Variants in SEC23IP observed in about 807,000 individuals in gnomAD.
SEC23IP encodes SEC23-interacting protein.
In SEC23IP, 70 loss-of-function variants were observed where a neutral mutation model predicts 113.4. The ratio of observed to expected loss-of-function variants is 0.62; its 90% CI spans 0.51 to 0.75. The LOEUF (loss-of-function observed/expected upper bound fraction) is 0.75. Ranked by LOEUF, SEC23IP falls within the 30% of genes least tolerant of loss-of-function variation. The pLI, the probability that SEC23IP is intolerant of heterozygous loss-of-function variation, is 0.00. For synonymous variants in SEC23IP, 398 were observed against 421.0 expected (o/e 0.95, Z 0.67); for missense variants, 1,160 against 1,204.9 (o/e 0.96, Z 0.55).
rs1474055583 is a variant in SEC23IP, at chr10:119,942,347, A to G, written c.*1782A>G. 1 of 152,076 alleles carries G rather than the reference A, an allele frequency of 6.6e-6. No homozygotes were observed. Among genetic ancestry groups the G allele is most frequent in the Non-Finnish European group, 1.5e-5 (1 of 68,012 alleles). 9.4% of individuals were successfully genotyped at this position (152,076 alleles called of 1,614,324 possible). On this transcript the variant is annotated 3_prime_UTR_variant, in exon 19 of 19. Transcript: ENST00000369075. ...CTCATACATACATATATATATATACACACACACATATGTATGTATGTATGT... is the reference window on the plus strand; with the variant it reads ...CTCATACATACATATATATATATACGCACACACATATGTATGTATGTATGT...
At chr10:119,906,162 G>A (rs1300907117) in intron 4 of SEC23IP, among the ~76,000 whole-genome samples, 1 of 151,698 alleles carries the variant, frequency 6.6e-6, no homozygotes, top group African/African-American at 2.4e-5. Context: ...CATGCCTGTG[G>A]TCTTAGCTAC....
intron 4 of SEC23IP, among the ~76,000 whole-genome samples, chr10:119,906,283 G>GAAAA (rs59914110): frequency 1.7e-5 from 2 of 114,830 alleles, no homozygotes; most frequent in Non-Finnish European, 3.6e-5. Context: ...CCTTGTCTCA[G>GAAAA]AAAAAAAAAA....
At position 119,898,575 on chromosome 10, in the gene SEC23IP, A is replaced by C. The variant is rs1275173538; in HGVS notation, c.312A>C (p.Ala104=). 2 of 1,614,200 alleles carry C rather than the reference A, an allele frequency of 1.2e-6. No homozygotes were observed. Among genetic ancestry groups the C allele is most frequent in the Non-Finnish European group, 8.5e-7 (1 of 1,180,020 alleles). ...TTGGACAGTCACCATTAACAACTGC[A>C]GCAACCTCAGTTGGACAATCAGGAT... ...GNIGQSPLTT[A]ATSVGQSGFP... Residue 104 remains alanine (A), a synonymous_variant, in exon 2 of 19, where the codon GCA becomes GCC. Coordinates refer to ENST00000369075, the MANE Select transcript of SEC23IP (RefSeq NM_007190.4).
At chr10:119,919,991 A>G (rs1035398451) in intron 11 of SEC23IP, among the ~76,000 whole-genome samples, 33 of 152,234 alleles carry the variant, frequency 2.2e-4, no homozygotes, top group African/African-American at 8.0e-4. Context: ...ACAGAAAAGG[A>G]AATAACAAAT....
intron 5 of SEC23IP, among the ~76,000 whole-genome samples, chr10:119,910,973 AC>A (rs1854838845): frequency 1.3e-5 from 2 of 149,254 alleles, no homozygotes; most frequent in Non-Finnish European, 3.0e-5. Context: ...GTGTGAGCCA[AC>A]ACGCTTGGCT....
At position 119,914,786 on chromosome 10, in the gene SEC23IP, T is replaced by A; in HGVS notation, c.1369T>A (p.Cys457Ser). The A allele has an allele frequency of 6.2e-7, 1 of 1,614,186 alleles. No homozygotes were observed. Among genetic ancestry groups the A allele is most frequent in the Non-Finnish European group, 8.5e-7 (1 of 1,180,000 alleles). The stretch of plus-strand genomic sequence containing the variant: ...TGTGGTGCATGGCATTGGACCTGTG[T>A]GTGACTTACGCTTTAGGAGCATTAT... ...VFVVHGIGPV[C>S]DLRFRSIIEC... The change falls in exon 7 of 19, where the codon TGT becomes AGT. Residue 457 changes from cysteine to serine, a missense_variant. Coordinates refer to ENST00000369075, the MANE Select transcript of SEC23IP (RefSeq NM_007190.4).
chr10:119,902,900 T>C lies in SEC23IP; in HGVS notation c.798T>C (p.Tyr266=). The part of the protein sequence containing the change: ...VPSPFLLQNQ[Y]EPVQPHWFYC... ...CTCCTTTTCTACTTCAAAACCAATA[T>C]GAGCCTGTTCAGCCCCACTGGTTTT... Residue 266 remains tyrosine, a synonymous_variant, in exon 3 of 19, where the codon TAT becomes TAC. Coordinates refer to ENST00000369075, the MANE Select transcript of SEC23IP (RefSeq NM_007190.4). The C allele has an allele frequency of 6.2e-7, 1 of 1,614,124 alleles. No individual in the cohort carries two copies. The highest frequency in any genetic ancestry group is 8.5e-7 in the Non-Finnish European group (1 of 1,179,946).
chr10:119,893,659 A>G (rs1385342257), intron 1 of SEC23IP, among the ~76,000 whole-genome samples: 1 of 151,688 alleles, frequency 6.6e-6, no homozygotes, highest in African/African-American at 2.4e-5. Flanking sequence ...AGCTGGGACT[A>G]CAGGCGTCTG....
At chr10:119,931,005 T>C (rs548563688) in intron 15 of SEC23IP, among the ~76,000 whole-genome samples, 2 of 152,336 alleles carry the variant, frequency 1.3e-5, no homozygotes, top group East Asian at 3.9e-4. Context: ...GTTTTTTGTT[T>C]GTTTTGCTAA....
rs371702624 is a variant in SEC23IP at position 119,930,438 on chromosome 10, A to T, written c.2572+7A>T. ...AGAAAAAGACTTCATTTAGGTAAAAAGCAAATACTATAAAAACTTTTTTTC... is the reference window on the plus strand; with the variant it reads ...AGAAAAAGACTTCATTTAGGTAAAATGCAAATACTATAAAAACTTTTTTTC... On this transcript the variant is annotated splice_region_variant and intron_variant, in intron 15 of 18. Coordinates refer to ENST00000369075, the MANE Select transcript of SEC23IP (RefSeq NM_007190.4). 115 of 1,551,128 alleles carry T rather than the reference A, an allele frequency of 7.4e-5. No homozygotes were observed. The highest frequency in any genetic ancestry group is 9.6e-5 in the Non-Finnish European group (109 of 1,129,632).
Position 119,933,875 on chromosome 10 carries a change from T to C in SEC23IP, c.*20+88T>C, listed in dbSNP as rs562684725. ...GAGTTGATGTTGACTGATTTTGCTT[T>C]TTTCTGTTTCCTCTGAGTTTTTGTC... On this transcript the variant is annotated intron_variant, in intron 18 of 18. Transcript: ENST00000369075. The C allele has an allele frequency of 4.9e-4, 291 of 588,416 alleles. 2 individuals carry two copies. The highest frequency in any genetic ancestry group is 2.3e-3 in the Admixed American group (67 of 29,104). The allele number at this position is 588,416 out of a possible 1,614,324, so 36.4% of individuals were successfully genotyped here. A position where few individuals can be genotyped will look rare whatever the true frequency, so the allele number is the denominator to read the frequency against.
chr10:119,915,130 A>C (rs1855006913), intron 7 of SEC23IP, among the ~76,000 whole-genome samples: 2 of 152,294 alleles, frequency 1.3e-5, no homozygotes, highest in South Asian at 4.1e-4. Flanking sequence ...ATAGTCAGTG[A>C]GTTGGGAGAA....
rs1385864558 is a variant in SEC23IP at position 119,917,982 on chromosome 10, C to T, written c.1691C>T (p.Ala564Val). The T allele has an allele frequency of 1.2e-6, 2 of 1,614,100 alleles. No homozygotes were observed. Among genetic ancestry groups the T allele is most frequent in the Non-Finnish European group, 1.7e-6 (2 of 1,179,960 alleles). The change falls in exon 9 of 19, where the codon GCA becomes GTA. Residue 564 changes from alanine to valine, a missense_variant. Ala to Val is a moderately conservative substitution (Grantham distance 64). Transcript: ENST00000369075. ...GGAATGGAGATAAACCATCTGCATG[C>T]ACTCTTTATGAGTCGGAACCCAGAC... ...KVGMEINHLH[A>V]LFMSRNPDFK...
chr10:119,920,101 T>TA (rs1443497926), intron 11 of SEC23IP, among the ~76,000 whole-genome samples: 2 of 152,154 alleles, frequency 1.3e-5, no homozygotes, highest in Non-Finnish European at 2.9e-5. Context: ...AGTTTGAAAA[T>TA]ATGCTATGTG....
intron 15 of SEC23IP, among the ~76,000 whole-genome samples, chr10:119,931,648 G>A (rs1268275922): frequency 1.3e-5 from 2 of 151,584 alleles, no homozygotes; most frequent in East Asian, 3.9e-4. Flanking sequence ...TGCCTCCCGG[G>A]TTCATGCCAT....
rs1378471952 is a variant in SEC23IP, at chr10:119,944,246, C to G, written c.*3681C>G. On this transcript the variant is annotated 3_prime_UTR_variant, in exon 19 of 19. Transcript: ENST00000369075. ...TTTAAAAGTGGCAGTTTTCCCTGCA[C>G]TCTCTCCTGCCACCTTGTGAAGAAG... 2.0e-5 allele frequency: 3 copies of G among 152,156 alleles called. No individual in the cohort carries two copies. The highest frequency in any genetic ancestry group is 4.4e-5 in the Non-Finnish European group (3 of 68,020). 9.4% of individuals were successfully genotyped at this position (152,156 alleles called of 1,614,324 possible). A position where few individuals can be genotyped will look rare whatever the true frequency, so the allele number is the denominator to read the frequency against.
At chr10:119,893,638 G>C (rs747989263) in intron 1 of SEC23IP, among the ~76,000 whole-genome samples, 1 of 148,816 alleles carries the variant, frequency 6.7e-6, no homozygotes. Flanking sequence ...TCCTGCCTCA[G>C]CCTCCCGAGT....
intron 8 of SEC23IP, among the ~76,000 whole-genome samples, chr10:119,916,554 T>G (rs1855060257): frequency 6.6e-6 from 1 of 152,206 alleles, no homozygotes; most frequent in Admixed American, 6.5e-5. Flanking sequence ...GCGTTTTGTC[T>G]ATGTTAGGCC....
In SEC23IP at chr10:119,939,474, G is replaced by A. The variant is rs560252040; in HGVS notation, c.*21-1112G>A. On this transcript the variant is annotated intron_variant, in intron 18 of 18. Transcript: ENST00000369075. Reference sequence around the variant, plus strand: ...AGGCGGATCACAAGGTCAGGAGTTCGAGACCAGCCTGGCCAAATAGTGAAA... The same window carrying A: ...AGGCGGATCACAAGGTCAGGAGTTCAAGACCAGCCTGGCCAAATAGTGAAA... Among the ~76,000 whole-genome samples the A allele has an allele frequency of 5.9e-5, 9 of 152,140 alleles. No homozygotes were observed. The East Asian group carries it at 1.4e-3, about 23-fold the overall frequency.
Sources: gnomAD v4.1 joint callset for allele counts (sites outside exome capture counted in the v4.1 genomes callset) on GRCh38, gnomAD v4.1.1 for gene constraint, MANE v1.5 for transcripts, NCBI Gene and HGNC (gene_info 2026-07-23, HGNC 2026-07-21) for gene names.